PTPRO: variants seen among roughly 807,000 people sequenced by gnomAD.
PTPRO encodes the protein protein tyrosine phosphatase receptor type O, also known as receptor-type tyrosine-protein phosphatase O.
Under a neutral mutation model 145.2 loss-of-function variants are expected in PTPRO, and 62 were observed. The observed-to-expected ratio is 0.43, with a 90% CI of 0.35 to 0.53. The LOEUF (loss-of-function observed/expected upper bound fraction) is 0.53. Ranked by LOEUF, PTPRO falls within the 20% of genes least tolerant of loss-of-function variation. The pLI is 0.01. For synonymous variants in PTPRO, 565 were observed against 514.7 expected (o/e 1.10, Z -1.32); for missense variants, 1,345 against 1,482.7 (o/e 0.91, Z 1.53).
At chr12:15,444,616 C>T (rs1940855203) in intron 1 of PTPRO, among the ~76,000 whole-genome samples, 1 of 152,004 alleles carries the variant, frequency 6.6e-6, no homozygotes, top group Non-Finnish European at 1.5e-5. Flanking sequence ...ACGTAATCCC[C>T]AATGTGACAA....
chr12:15,515,330 A>G (rs927135358), intron 7 of PTPRO, among the ~76,000 whole-genome samples, 168 bp from the exon 8 acceptor site: 2 of 152,190 alleles, frequency 1.3e-5, no homozygotes, highest in Non-Finnish European at 2.9e-5. Context: ...CAATGTTCAC[A>G]TAAACTATAA....
intron 1 of PTPRO, among the ~76,000 whole-genome samples, chr12:15,483,382 G>T (rs1591641459): frequency 6.6e-6 from 1 of 152,124 alleles, no homozygotes; most frequent in East Asian, 1.9e-4. Flanking sequence ...TCCTCCATCT[G>T]GTCTCTTCCT....
In PTPRO at chr12:15,437,732, C is replaced by A. The variant is rs373143605; in HGVS notation, c.76-46242C>A. 5.2e-4 allele frequency among the ~76,000 whole-genome samples: 79 copies of A among 152,330 alleles called. 1 individual carries two copies. In the South Asian group the frequency reaches 0.012, roughly 23 times the overall value. On this transcript the variant is annotated intron_variant, in intron 1 of 26. Transcript: ENST00000281171. ...AGCACCCACTCTCCTGGATTAGGAA[C>A]CTGGAACACAGAACTTGGAGCAAAG... is the stretch of plus-strand genomic sequence containing the variant.
At chr12:15,474,548 T>C (rs1020558825) in intron 1 of PTPRO, among the ~76,000 whole-genome samples, 1 of 152,220 alleles carries the variant, frequency 6.6e-6, no homozygotes, top group Non-Finnish European at 1.5e-5. Context: ...CGCTGTTCTC[T>C]CAAGCGTAAA....
chr12:15,344,884 G>A (rs1308260523), intron 1 of PTPRO, among the ~76,000 whole-genome samples: 2 of 152,174 alleles, frequency 1.3e-5, no homozygotes, highest in East Asian at 1.9e-4. Flanking sequence ...CCAGTTCATC[G>A]TCACCCACTT....
chr12:15,521,260 G>C (rs1435111892), intron 10 of PTPRO, among the ~76,000 whole-genome samples: 1 of 151,810 alleles, frequency 6.6e-6, no homozygotes, highest in Non-Finnish European at 1.5e-5. Context: ...TCAATCATCT[G>C]TGAATTCTTA....
At chr12:15,396,693 G>A (rs184927540) in intron 1 of PTPRO, among the ~76,000 whole-genome samples, 5 of 152,126 alleles carry the variant, frequency 3.3e-5, no homozygotes, top group African/African-American at 4.8e-5. Context: ...ACATAGGCTC[G>A]CTCTTCAACA....
intron 10 of PTPRO, among the ~76,000 whole-genome samples, chr12:15,520,741 GA>G (rs886126582): frequency 6.6e-6 from 1 of 152,126 alleles, no homozygotes; most frequent in Non-Finnish European, 1.5e-5. Flanking sequence ...GTCCCTTGTG[GA>G]AATTAAAAAA....
chr12:15,504,031 G>A lies in PTPRO; in HGVS notation c.1229G>A (p.Arg410Gln), dbSNP rs1344922746. Residue 410 changes from arginine (R) to glutamine (Q), a missense_variant, in exon 6 of 27, where the codon CGA becomes CAA. Arg to Gln is a conservative substitution (Grantham distance 43). This residue lies in a region of PTPRO where 1,130 missense variants were observed against 1,214.7 expected (regional missense o/e 0.93). Coordinates refer to ENST00000281171, the MANE Select transcript of PTPRO (RefSeq NM_030667.3). Reference sequence around the variant, plus strand: ...AGTTCCTCAGGATCTTGTGAAACTCGAAAAAGTCAGTCAGCAAAATCACTC... The same window carrying A: ...AGTTCCTCAGGATCTTGTGAAACTCAAAAAAGTCAGTCAGCAAAATCACTC... ...TFSSSGSCETRKSQSAKSLSF... is the reference protein window; with the variant it reads ...TFSSSGSCETQKSQSAKSLSF... 6 of 1,613,062 alleles carry A rather than the reference G, an allele frequency of 3.7e-6. No homozygotes were observed. Among genetic ancestry groups the A allele is most frequent in the Non-Finnish European group, 4.2e-6 (5 of 1,179,368 alleles).
intron 1 of PTPRO, among the ~76,000 whole-genome samples, chr12:15,454,421 T>C (rs1355401526): frequency 6.6e-6 from 1 of 152,238 alleles, no homozygotes; most frequent in African/African-American, 2.4e-5. Context: ...ATTTCTATAC[T>C]TTTGCTAATT....
intron 1 of PTPRO, among the ~76,000 whole-genome samples, chr12:15,372,889 A>G (rs774010108): frequency 6.6e-6 from 1 of 152,114 alleles, no homozygotes; most frequent in Non-Finnish European, 1.5e-5. Context: ...GCTGCAGAGG[A>G]TATTATTTTG....
chr12:15,422,240 G>T (rs941335024), intron 1 of PTPRO, among the ~76,000 whole-genome samples: 1 of 152,090 alleles, frequency 6.6e-6, no homozygotes. Flanking sequence ...CATCATAATT[G>T]TACGAAAGGG....
At chr12:15,515,920 G>A (rs1260936309) in intron 8 of PTPRO, among the ~76,000 whole-genome samples, 2 of 151,550 alleles carry the variant, frequency 1.3e-5, no homozygotes, top group African/African-American at 2.4e-5. Context: ...GGGAGGCTGA[G>A]GTGGGAGGAC....
At chr12:15,427,111 T>G (rs1311202100) in intron 1 of PTPRO, among the ~76,000 whole-genome samples, 1 of 152,076 alleles carries the variant, frequency 6.6e-6, no homozygotes, top group Non-Finnish European at 1.5e-5. Context: ...TGGTAGTATG[T>G]CTTAGGCTCT....
At chr12:15,565,650 A>G (rs780996612) in intron 18 of PTPRO, 22 bp downstream of exon 18, 5 of 1,381,198 alleles carry the variant, frequency 3.6e-6, no homozygotes, top group African/African-American at 1.4e-5. Flanking sequence ...TTACTATGTC[A>G]TTTAAAAGGA....
At chr12:15,327,050 A>T (rs529058000) in intron 1 of PTPRO, among the ~76,000 whole-genome samples, 3 of 152,142 alleles carry the variant, frequency 2.0e-5, no homozygotes, top group Non-Finnish European at 4.4e-5. Context: ...AAAAGCTCTG[A>T]CTGAGAATTA....
rs543669974 is a variant in PTPRO, at chr12:15,436,575, C to T, written c.76-47399C>T. Among the ~76,000 whole-genome samples the T allele has an allele frequency of 2.0e-5, 3 of 152,112 alleles. No homozygotes were observed. In the South Asian group the frequency reaches 6.2e-4, roughly 32 times the overall value. The stretch of plus-strand genomic sequence containing the variant: ...GCCAAGAGAGAGCACTTTGCTTCTC[C>T]TAATCCCTGGAGTTAGCTTAGGGAG... On this transcript the variant is annotated intron_variant, in intron 1 of 26. Transcript: ENST00000281171.
At chr12:15,581,906 A>G in intron 23 of PTPRO, 105 bp downstream of exon 23, 2 of 1,437,546 alleles carry the variant, frequency 1.4e-6, no homozygotes, top group Non-Finnish European at 1.9e-6. Context: ...AATTACAGAC[A>G]CACACACAAA....
intron 1 of PTPRO, among the ~76,000 whole-genome samples, chr12:15,448,581 G>C (rs1414327718): frequency 6.6e-6 from 1 of 151,926 alleles, no homozygotes; most frequent in African/African-American, 2.4e-5. Flanking sequence ...TGATGGGAGT[G>C]TAAATTGCTA....
Sources: allele counts gnomAD v4.1 joint callset (sites outside exome capture counted in the v4.1 genomes callset), GRCh38; gene constraint gnomAD v4.1.1; regional missense constraint gnomAD v4.1.1; transcripts MANE v1.5; gene names NCBI Gene and HGNC (gene_info 2026-07-23, HGNC 2026-07-21).